The following RELN variants were observed in gnomAD, a reference collection of about 807,000 sequenced individuals.
The protein encoded by RELN is reelin.
In RELN, 108 loss-of-function variants were observed where a neutral mutation model predicts 427.6. The ratio of observed to expected loss-of-function variants is 0.25; its 90% confidence interval spans 0.22 to 0.30. The LOEUF (loss-of-function observed/expected upper bound fraction) is 0.30. Ranked by LOEUF, RELN falls within the 10% of genes least tolerant of loss-of-function variation. The pLI is 1.00. For synonymous variants in RELN, 1,524 were observed against 1,513.4 expected, an observed-to-expected ratio of 1.01 and a Z score of -0.16; for missense variants, 3,715 against 4,302.8, an observed-to-expected ratio of 0.86 and a Z score of 3.82.
At chr7:103,940,502 T>G (rs1224124327) in intron 1 of RELN, among the ~76,000 whole-genome samples, 1 of 152,174 alleles carries the variant, frequency 6.6e-6, no homozygotes, top group Non-Finnish European at 1.5e-5. Flanking sequence ...CAAAGTATAC[T>G]GTACTATGGC....
Position 103,472,410 on chromosome 7 carries a change from A to C in RELN, c.*402T>G. 2 of 250,440 alleles carry C rather than the reference A, an allele frequency of 8.0e-6. No homozygotes were observed. Among genetic ancestry groups the C allele is most frequent in the Admixed American group, 1.0e-4 (2 of 19,458 alleles). The allele number at this position is 250,440 out of a possible 1,614,324, so 15.5% of individuals were successfully genotyped here. A position where few individuals can be genotyped will look rare whatever the true frequency, so the allele number is the denominator to read the frequency against. On this transcript the variant is annotated 3_prime_UTR_variant, in exon 65 of 65. Transcript: ENST00000428762. ...AATTTAATCATATAAAACATGAGACATAGCCGAAATACAGTCCACTTAAAT... is the reference window on the plus strand; with the variant it reads ...AATTTAATCATATAAAACATGAGACCTAGCCGAAATACAGTCCACTTAAAT...
intron 3 of RELN, among the ~76,000 whole-genome samples, chr7:103,830,933 G>A (rs1793259271): frequency 6.6e-6 from 1 of 152,080 alleles, no homozygotes; most frequent in Non-Finnish European, 1.5e-5. Flanking sequence ...GTGAGGATGT[G>A]TAAACTTTTT....
intron 2 of RELN, among the ~76,000 whole-genome samples, chr7:103,849,495 T>C (rs39398): frequency 0.36 from 55,342 of 152,098 alleles, 10,526 homozygotes; most frequent in Non-Finnish European, 0.42. Context: ...ATTCTACTGA[T>C]ACTCATATTT....
At chr7:103,633,369 T>A (rs573975876) in intron 19 of RELN, among the ~76,000 whole-genome samples, 2 of 152,072 alleles carry the variant, frequency 1.3e-5, no homozygotes, top group African/African-American at 4.8e-5. Flanking sequence ...ATATAAAATA[T>A]AATTTGTTAT....
chr7:103,805,155 G>C (rs1792567122), intron 3 of RELN, among the ~76,000 whole-genome samples: 1 of 152,016 alleles, frequency 6.6e-6, no homozygotes, highest in South Asian at 2.1e-4. Flanking sequence ...GTGAACTTGG[G>C]TAAATGGTAT....
At chr7:103,559,596 G>T (rs1332889623) in intron 36 of RELN, among the ~76,000 whole-genome samples, 1 of 151,804 alleles carries the variant, frequency 6.6e-6, no homozygotes, top group African/African-American at 2.4e-5. Flanking sequence ...TGTTTTAAGA[G>T]ACAGAGTCTT....
At chr7:103,985,151 AT>A (rs953718627) in intron 1 of RELN, among the ~76,000 whole-genome samples, 13 of 148,774 alleles carry the variant, frequency 8.7e-5, no homozygotes, top group African/African-American at 1.8e-4. Context: ...TCACAGTATA[AT>A]TTTTTTTTAA....
chr7:103,652,405 T>C, intron 14 of RELN, 146 bp downstream of exon 14: 2 of 681,910 alleles, frequency 2.9e-6, no homozygotes, highest in Non-Finnish European at 5.1e-6. Context: ...TGAAGAACTT[T>C]TCATTTGGCA....
intron 2 of RELN, among the ~76,000 whole-genome samples, chr7:103,872,709 A>G (rs897089206): frequency 5.4e-5 from 8 of 147,556 alleles, no homozygotes; most frequent in African/African-American, 2.0e-4. Flanking sequence ...ATTTCTCCAC[A>G]TCCTCTCCAG....
At chr7:103,768,074 T>C (rs931815204) in intron 4 of RELN, among the ~76,000 whole-genome samples, 9 of 152,334 alleles carry the variant, frequency 5.9e-5, no homozygotes, top group African/African-American at 1.9e-4. Flanking sequence ...CTTTGCTCTG[T>C]TTATTGGCAT....
chr7:103,549,689 A>C (rs1830371117), intron 41 of RELN, among the ~76,000 whole-genome samples: 1 of 152,214 alleles, frequency 6.6e-6, no homozygotes, highest in Non-Finnish European at 1.5e-5. Context: ...ACACAATAAA[A>C]ACAAGGATCA....
chr7:103,917,235 CAATAT>C, intron 1 of RELN, 50 bp from the exon 2 acceptor site: 1 of 1,323,406 alleles, frequency 7.6e-7, no homozygotes, highest in African/African-American at 1.4e-5. Flanking sequence ...CAGAATAACA[CAATAT>C]ATTTCTGAAG....
In RELN at chr7:103,491,936, A is replaced by C. The variant is rs1562848725; in HGVS notation, c.9443+17T>G. 1 of 1,596,520 alleles carries C rather than the reference A, an allele frequency of 6.3e-7. No individual in the cohort carries two copies. The highest frequency in any genetic ancestry group is 2.2e-5 in the East Asian group (1 of 44,560). Reference sequence around the variant, plus strand: ...GTATTCAAGTTTGAAGATAATGTTAAAAATTATTTCACAAACCTTGCATCC... The same window carrying C: ...GTATTCAAGTTTGAAGATAATGTTACAAATTATTTCACAAACCTTGCATCC... On this transcript the variant is annotated intron_variant, in intron 58 of 64. Transcript: ENST00000428762.
chr7:103,703,885 G>A (rs1834144606), intron 8 of RELN, among the ~76,000 whole-genome samples: 1 of 152,118 alleles, frequency 6.6e-6, no homozygotes, highest in Admixed American at 6.5e-5. Context: ...GTTCTTTCAG[G>A]CAAATGAGGA....
chr7:103,967,896 C>T (rs765332594), intron 1 of RELN, among the ~76,000 whole-genome samples: 8 of 152,214 alleles, frequency 5.3e-5, no homozygotes, highest in Non-Finnish European at 1.0e-4. Flanking sequence ...TAACTACACT[C>T]TAACAACTCA....
chr7:103,498,760 G>A (rs1335823178), intron 53 of RELN, among the ~76,000 whole-genome samples: 1 of 152,096 alleles, frequency 6.6e-6, no homozygotes, highest in Admixed American at 6.5e-5. Context: ...CCAGAGTGCT[G>A]GAATTACAGG....
intron 31 of RELN, among the ~76,000 whole-genome samples, chr7:103,567,877 C>T (rs1830796072): frequency 6.6e-6 from 1 of 151,748 alleles, no homozygotes; most frequent in Admixed American, 6.6e-5. Flanking sequence ...CTCACTGCAA[C>T]CTTTTCCTCC....
intron 58 of RELN, among the ~76,000 whole-genome samples, chr7:103,491,450 GA>G (rs553442665): frequency 5.7e-4 from 86 of 151,980 alleles, no homozygotes; most frequent in African/African-American, 1.8e-3. Context: ...TGGTTTGAAG[GA>G]AAATTTTGAA....
Position 103,599,257 on chromosome 7 carries a change from TC to T in RELN, c.3334-2597del, listed in dbSNP as rs563631551. Among the ~76,000 whole-genome samples the T allele has an allele frequency of 5.3e-5, 8 of 152,334 alleles. No homozygotes were observed. In the South Asian group the frequency reaches 1.7e-3, roughly 32 times the overall value. On this transcript the variant is annotated intron_variant, in intron 24 of 64. Transcript: ENST00000428762. ...TTTCCCAATTGTCTTTCTTTTTTTT[TC>T]ATTCATTTATTCAGTCTTTCTTCAA... is the stretch of plus-strand genomic sequence containing the variant.
Sources: gnomAD v4.1 joint callset for allele counts (sites outside exome capture counted in the v4.1 genomes callset) on GRCh38, gnomAD v4.1.1 for gene constraint, MANE v1.5 for transcripts, NCBI Gene and HGNC (gene_info 2026-07-23, HGNC 2026-07-21) for gene names.